DPP6: variants seen among roughly 807,000 people sequenced by gnomAD.
The protein encoded by DPP6 is dipeptidyl peptidase like 6, also known as A-type potassium channel modulatory protein DPP6.
A neutral mutation model predicts 122.6 loss-of-function variants in DPP6; 69 were observed. That is an observed-to-expected ratio of 0.56 (90% confidence interval 0.46 to 0.69). DPP6 has a LOEUF of 0.69. Ranked by LOEUF, DPP6 falls within the 30% of genes least tolerant of loss-of-function variation. The pLI, the probability that DPP6 is intolerant of heterozygous loss-of-function variation, is 0.00. For missense variants in DPP6, 928 were observed against 1,116.9 expected, an observed-to-expected ratio of 0.83 and a Z score of 2.41; for synonymous variants, 418 against 433.1, an observed-to-expected ratio of 0.97 and a Z score of 0.43.
At chr7:154,133,146 C>T (rs571598436) in intron 1 of DPP6, among the ~76,000 whole-genome samples, 2 of 152,228 alleles carry the variant, frequency 1.3e-5, no homozygotes, top group South Asian at 4.1e-4. Flanking sequence ...TTTATTTAGT[C>T]TTTAAAAATA....
intron 1 of DPP6, among the ~76,000 whole-genome samples, chr7:154,135,828 C>T (rs1795525083): frequency 6.7e-6 from 1 of 150,136 alleles, no homozygotes; most frequent in African/African-American, 2.5e-5. Flanking sequence ...TCTCTGTGCA[C>T]TTCCTGTGAG....
At chr7:154,122,209 T>C (rs1181128772) in intron 1 of DPP6, among the ~76,000 whole-genome samples, 1 of 152,192 alleles carries the variant, frequency 6.6e-6, no homozygotes, top group Non-Finnish European at 1.5e-5. Flanking sequence ...GAATGATTGT[T>C]CCCATCACAG....
Position 154,118,326 on chromosome 7 carries a change from T to C in DPP6, c.243+65263T>C, listed in dbSNP as rs574905771. 2.0e-3 allele frequency among the ~76,000 whole-genome samples: 294 copies of C among 149,612 alleles called. 3 individuals are homozygous for C. Among genetic ancestry groups the C allele is most frequent in the African/African-American group, 6.7e-3 (268 of 40,172 alleles). The stretch of plus-strand genomic sequence containing the variant: ...AGATGGCAGGAACATGACAACATAT[T>C]AGCTTTTAGGTAGACACCCGTAGGT... On this transcript the variant is annotated intron_variant, in intron 1 of 25. Transcript: ENST00000377770.
At chr7:154,239,209 G>A (rs956612912) in intron 1 of DPP6, among the ~76,000 whole-genome samples, 3 of 152,202 alleles carry the variant, frequency 2.0e-5, no homozygotes. Flanking sequence ...CTGATTTCCC[G>A]TATGGAATTG....
chr7:154,876,249 A>G, intron 20 of DPP6, 149 bp downstream of exon 20: 2 of 1,276,098 alleles, frequency 1.6e-6, no homozygotes, highest in Non-Finnish European at 2.0e-6. Flanking sequence ...TGGCCATTCC[A>G]AAGAAGTTTC....
intron 1 of DPP6, among the ~76,000 whole-genome samples, chr7:154,387,305 GC>G (rs143615401): frequency 0.091 from 13,819 of 152,202 alleles, 729 homozygotes; most frequent in African/African-American, 0.13. Flanking sequence ...CACAGTCCTT[GC>G]CCTCAGGGAA....
intron 1 of DPP6, among the ~76,000 whole-genome samples, chr7:154,222,092 C>T (rs967211963): frequency 6.6e-6 from 1 of 152,160 alleles, no homozygotes; most frequent in Non-Finnish European, 1.5e-5. Flanking sequence ...CGCCCACTTG[C>T]TCTTCCTGAT....
At chr7:153,838,611 TTAAAA>T in the DPP6 span, among the ~76,000 whole-genome samples, 877 of 152,256 alleles carry the variant, frequency 5.8e-3, 6 homozygotes, top group African/African-American at 0.02. Flanking sequence ...GTTCCACTGA[TTAAAA>T]TAACAGAAAC....
At chr7:154,294,569 G>A (rs759182568) in intron 1 of DPP6, among the ~76,000 whole-genome samples, 5 of 152,158 alleles carry the variant, frequency 3.3e-5, no homozygotes, top group Admixed American at 6.5e-5. Flanking sequence ...GTATGGGCAC[G>A]TGAAGGTTTG....
chr7:154,409,718 A>T (rs928573383), intron 1 of DPP6, among the ~76,000 whole-genome samples: 2 of 152,102 alleles, frequency 1.3e-5, no homozygotes, highest in Non-Finnish European at 2.9e-5. Flanking sequence ...AAAATCAGTT[A>T]TTTCTCCAAA....
chr7:154,629,834 C>G (rs58773225), intron 5 of DPP6, among the ~76,000 whole-genome samples: 3,016 of 152,172 alleles, frequency 0.02, 91 homozygotes, highest in African/African-American at 0.069. Context: ...GACCAGACAC[C>G]CAGTCCAAAA....
intron 3 of DPP6, among the ~76,000 whole-genome samples, chr7:154,508,629 G>C (rs1825834931): frequency 6.6e-6 from 1 of 152,190 alleles, no homozygotes; most frequent in Non-Finnish European, 1.5e-5. Context: ...ACCAAATGTA[G>C]AACCAGTGCA....
intron 1 of DPP6, among the ~76,000 whole-genome samples, chr7:154,171,019 G>T (rs936633608): frequency 6.6e-5 from 10 of 152,140 alleles, no homozygotes; most frequent in Non-Finnish European, 1.5e-4. Context: ...CCTGCTGCTC[G>T]CTGGTGCATG....
chr7:154,851,819 T>C (rs1205662318), intron 16 of DPP6, among the ~76,000 whole-genome samples: 1 of 152,202 alleles, frequency 6.6e-6, no homozygotes, highest in Non-Finnish European at 1.5e-5. Flanking sequence ...GCATCCTGCA[T>C]ATCATCTGGC....
At position 154,000,022 on chromosome 7, in the gene DPP6, A is replaced by G. The variant is rs560958860; in HGVS notation, c.51+112288A>G. Reference sequence around the variant, plus strand: ...CTCCTCAAAGGTGGAAAATTTATATATAAGATAGCTGGAAAAATAAGACTA... The same window carrying G: ...CTCCTCAAAGGTGGAAAATTTATATGTAAGATAGCTGGAAAAATAAGACTA... On this transcript the variant is annotated intron_variant, in intron 1 of 25. Transcript: ENST00000404039. Among the ~76,000 whole-genome samples the G allele has an allele frequency of 1.3e-4, 20 of 152,278 alleles. No individual in the cohort carries two copies. The South Asian group carries it at 4.2e-3, about 32-fold the overall frequency.
At chr7:154,749,372 C>T (rs1843222936) in intron 8 of DPP6, among the ~76,000 whole-genome samples, 1 of 79,626 alleles carries the variant, frequency 1.3e-5, no homozygotes, top group Non-Finnish European at 2.5e-5. Context: ...AGGGTGAGAG[C>T]ATAGGACGAG....
intron 1 of DPP6, among the ~76,000 whole-genome samples, chr7:154,435,286 G>T (rs1818767992): frequency 6.6e-6 from 1 of 152,012 alleles, no homozygotes; most frequent in Admixed American, 6.6e-5. Context: ...AGGGAGGAAT[G>T]GGAGGGGGTA....
intron 10 of DPP6, among the ~76,000 whole-genome samples, chr7:154,791,001 C>A (rs1179482853): frequency 1.3e-5 from 2 of 152,102 alleles, no homozygotes; most frequent in Non-Finnish European, 2.9e-5. Flanking sequence ...CCTGTAGTCC[C>A]AGCACTTTGG....
At chr7:154,507,658 A>G (rs1405201631) in intron 3 of DPP6, among the ~76,000 whole-genome samples, 1 of 152,166 alleles carries the variant, frequency 6.6e-6, no homozygotes, top group African/African-American at 2.4e-5. Context: ...CAAGAGCAGG[A>G]CTGGAGAGGG....
Sources: gnomAD v4.1 joint callset for allele counts (sites outside exome capture counted in the v4.1 genomes callset) on GRCh38, gnomAD v4.1.1 for gene constraint, MANE v1.5 for transcripts, NCBI Gene and HGNC (gene_info 2026-07-23, HGNC 2026-07-21) for gene names.